The following CIITA variants were observed in gnomAD, a reference collection of about 807,000 sequenced individuals.
CIITA encodes the protein MHC class II transactivator.
CIITA carries 72 observed loss-of-function variants against 115.1 expected under a neutral mutation model. The observed-to-expected ratio is 0.63, with a 90% CI of 0.52 to 0.76. The LOEUF (loss-of-function observed/expected upper bound fraction) is 0.76. Among genes scored for constraint, CIITA ranks in the 30% least tolerant of loss-of-function variants. CIITA has a pLI of 0.00. For missense variants in CIITA, 1,617 were observed against 1,463.8 expected (o/e 1.10, Z -1.71); for synonymous variants, 763 against 635.6 (o/e 1.20, Z -3.02).
intron 1 of CIITA, among the ~76,000 whole-genome samples, chr16:10,880,419 A>G (rs2143607925): frequency 6.6e-6 from 1 of 152,270 alleles, no homozygotes; most frequent in East Asian, 1.9e-4. Context: ...ATGTGGTCTC[A>G]TCTCTTTACT....
rs749129218 is a variant in CIITA at position 10,907,055 on chromosome 16, G to C, written c.1563G>C (p.Glu521Asp). ...GCACGTGCGGACCGGCACCGGCGGA[G>C]CCCTGCTCCCTCCGGGGGCTGCTGG... is the stretch of plus-strand genomic sequence containing the variant. The part of the protein sequence containing the change: ...LHSTCGPAPA[E>D]PCSLRGLLAG... The change falls in exon 11 of 20, where the codon GAG (glutamate) becomes GAC (aspartate). Residue 521 changes from glutamate to aspartate, a missense_variant. By Grantham distance (45) the Glu-to-Asp change is conservative (BLOSUM62 2). Coordinates refer to ENST00000324288, the MANE Select transcript of CIITA (RefSeq NM_000246.4). The surrounding 1 kb of genome is among the most constrained non-coding windows in gnomAD (Gnocchi z 5.0). 1 of 1,607,432 alleles carries C rather than the reference G, an allele frequency of 6.2e-7. No individual in the cohort carries two copies. The highest frequency in any genetic ancestry group is 1.7e-5 in the Admixed American group (1 of 60,024).
upstream of CIITA, among the ~76,000 whole-genome samples, chr16:10,873,672 C>T (rs751469090): frequency 9.2e-5 from 14 of 152,158 alleles, no homozygotes; most frequent in African/African-American, 1.9e-4. Context: ...TTTTCCAGAA[C>T]AACTGTTCTT....
rs757965821 is a variant in CIITA, at chr16:10,866,274, G to T, written c.-66G>T. ...AGGCACTGGCCAGGGCAGCTGCCCT[G>T]ACTCCAAGGGCTGCCATGAACAACT... On this transcript the variant is annotated 5_prime_UTR_variant, in exon 1 of 6. Coordinates refer to the CIITA transcript ENST00000636238. The T allele has an allele frequency of 9.0e-6, 5 of 556,610 alleles. No homozygotes were observed. In the East Asian group the frequency reaches 1.9e-4, roughly 21 times the overall value. 34.5% of individuals were successfully genotyped at this position (556,610 alleles called of 1,614,324 possible). A position where few individuals can be genotyped will look rare whatever the true frequency, so the allele number is the denominator to read the frequency against.
At chr16:10,915,137 A>T (rs968376492) in intron 13 of CIITA, 1 of 430,742 alleles carries the variant, frequency 2.3e-6, no homozygotes, top group African/African-American at 2.1e-5. Flanking sequence ...TGCATCCTCC[A>T]CCTCCTGGGC....
rs1289093237 is a variant in CIITA at position 10,879,528 on chromosome 16, G to C, written c.52+2146G>C. On this transcript the variant is annotated intron_variant, in intron 1 of 19. Transcript: ENST00000324288. This position sits in a 1 kb window ranked among gnomAD's most constrained non-coding sequence, Gnocchi z 4.3. Reference sequence around the variant, plus strand: ...CTTGGGTATTGGGCTCTCCAGGCGGGGGGCCCTGCTCAGGGAGGCAGTAGG... The same window carrying C: ...CTTGGGTATTGGGCTCTCCAGGCGGCGGGCCCTGCTCAGGGAGGCAGTAGG... 2.0e-5 allele frequency among the ~76,000 whole-genome samples: 3 copies of C among 152,166 alleles called. No homozygotes were observed. The highest frequency in any genetic ancestry group is 4.4e-5 in the Non-Finnish European group (3 of 68,024).
Position 10,895,686 on chromosome 16 carries a change from A to G in CIITA, c.217A>G (p.Ile73Val). 6.2e-7 allele frequency: 1 copy of G among 1,614,012 alleles called. No homozygotes were observed. ...CCTCCCAGAACCCGACACAGACACCATCAACTGCGACCAGTTCAGCAGGCT... is the reference window on the plus strand; with the variant it reads ...CCTCCCAGAACCCGACACAGACACCGTCAACTGCGACCAGTTCAGCAGGCT... ...ELYSEPDTDTINCDQFSRLLC... is the reference protein window; with the variant it reads ...ELYSEPDTDTVNCDQFSRLLC... The change falls in exon 3 of 20, where the codon ATC becomes GTC. Residue 73 changes from isoleucine to valine, a missense_variant. By Grantham distance (29) the Ile-to-Val change is conservative. Transcript: ENST00000324288.
At chr16:10,880,909 T>C (rs1030453950) in intron 1 of CIITA, among the ~76,000 whole-genome samples, 1 of 152,178 alleles carries the variant, frequency 6.6e-6, no homozygotes, top group Non-Finnish European at 1.5e-5. Flanking sequence ...GAAAAAGCAC[T>C]TTAGAAAACC....
rs2039344864 is a variant in CIITA at position 10,908,670 on chromosome 16, T to G, written c.2658-359T>G. On this transcript the variant is annotated intron_variant, in intron 11 of 19. Transcript: ENST00000324288. ...TGAAGGCTAAATTCCTTAATTTGGT[T>G]TCATTAAGTCGGTCTGCAATCTGCT... is the stretch of plus-strand genomic sequence containing the variant. 1.0e-5 allele frequency: 5 copies of G among 496,150 alleles called. No individual in the cohort carries two copies. In the Admixed American group the frequency reaches 1.3e-4, roughly 13 times the overall value. The allele number at this position is 496,150 out of a possible 1,614,324, so 30.7% of individuals were successfully genotyped here. A position where few individuals can be genotyped will look rare whatever the true frequency, so the allele number is the denominator to read the frequency against.
chr16:10,937,801 C>A (rs1470767696), downstream of CIITA: 1 of 152,232 alleles, frequency 6.6e-6, no homozygotes, highest in Non-Finnish European at 1.5e-5. This position sits in a 1 kb window ranked among gnomAD's most constrained non-coding sequence, Gnocchi z 4.2. Flanking sequence ...ATTCCCTGCT[C>A]CTGGGCAACA....
At chr16:10,889,861 C>G (rs903055080) in intron 1 of CIITA, among the ~76,000 whole-genome samples, 1 of 152,188 alleles carries the variant, frequency 6.6e-6, no homozygotes, top group African/African-American at 2.4e-5. Flanking sequence ...AGTGACTTGG[C>G]TAAGGCATCA....
At chr16:10,910,849 G>A (rs1397148958) in intron 13 of CIITA, among the ~76,000 whole-genome samples, 2 of 152,252 alleles carry the variant, frequency 1.3e-5, no homozygotes, top group African/African-American at 2.4e-5. Flanking sequence ...CCTCCCCAGG[G>A]AGAATCTTTC....
rs2040894817 is a variant in CIITA at position 10,933,646 on chromosome 16, CT to C, written c.*9792del. On this transcript the variant is annotated 3_prime_UTR_variant, in exon 20 of 20. Transcript: ENST00000324288. Reference sequence around the variant, plus strand: ...ACATCAGTACAGGGTGGTTCCTTCCCTCCTTAGCCCCACCTGTTCCCAGGTA... The same window carrying C: ...ACATCAGTACAGGGTGGTTCCTTCCCCCTTAGCCCCACCTGTTCCCAGGTA... The C allele has an allele frequency of 6.6e-6, 1 of 152,284 alleles. No individual in the cohort carries two copies. The highest frequency in any genetic ancestry group is 1.5e-5 in the Non-Finnish European group (1 of 68,096). The allele number at this position is 152,284 out of a possible 1,614,324, so 9.4% of individuals were successfully genotyped here. A position where few individuals can be genotyped will look rare whatever the true frequency, so the allele number is the denominator to read the frequency against.
rs2040742679 is a variant in CIITA at position 10,930,573 on chromosome 16, A to G, written c.*6718A>G. 1.3e-5 allele frequency: 2 copies of G among 152,252 alleles called. No homozygotes were observed. Among genetic ancestry groups the G allele is most frequent in the Admixed American group, 6.5e-5 (1 of 15,290 alleles). 9.4% of individuals were successfully genotyped at this position (152,252 alleles called of 1,614,324 possible). A position where few individuals can be genotyped will look rare whatever the true frequency, so the allele number is the denominator to read the frequency against. On this transcript the variant is annotated 3_prime_UTR_variant, in exon 20 of 20. Transcript: ENST00000324288. Reference sequence around the variant, plus strand: ...AGGATAAGAAATTGAGGTTCAGAGAAGCCAAGTAACCTGCCTAAAGATGCA... The same window carrying G: ...AGGATAAGAAATTGAGGTTCAGAGAGGCCAAGTAACCTGCCTAAAGATGCA...
At chr16:10,936,547 C>T (rs1183986701), downstream of CIITA, 1 of 152,210 alleles carries the variant, frequency 6.6e-6, no homozygotes, top group African/African-American at 2.4e-5. Context: ...TTTGGGCGGG[C>T]ATTGTTTGTG....
downstream of CIITA, chr16:10,936,831 G>A (rs1432454243): frequency 1.3e-5 from 2 of 152,216 alleles, no homozygotes; most frequent in African/African-American, 4.8e-5. Context: ...TTATTTGTGA[G>A]ACAGGGATAA....
In CIITA at chr16:10,924,499, CTGGGATTACAAGCG is replaced by C. The variant is rs2040448219; in HGVS notation, c.*647_*660del. On this transcript the variant is annotated 3_prime_UTR_variant, in exon 20 of 20. Transcript: ENST00000324288. The stretch of plus-strand genomic sequence containing the variant: ...CCACCCACCTCAGCCTCCCAAAGTG[CTGGGATTACAAGCG>C]TGAGCCACTGCACCGGGCCACAGAG... 6.6e-6 allele frequency: 1 copy of C among 152,368 alleles called. No homozygotes were observed. The highest frequency in any genetic ancestry group is 2.4e-5 in the African/African-American group (1 of 41,440). The allele number at this position is 152,368 out of a possible 1,614,324, so 9.4% of individuals were successfully genotyped here.
intron 1 of CIITA, chr16:10,878,955 G>T (rs1016827064): frequency 8.9e-6 from 2 of 224,958 alleles, no homozygotes; most frequent in Non-Finnish European, 1.8e-5. Flanking sequence ...GATGACCAGC[G>T]GACGAGCTGC....
At position 10,923,132 on chromosome 16, in the gene CIITA, G is replaced by A; in HGVS notation, c.3318-96G>A. The stretch of plus-strand genomic sequence containing the variant: ...AGGGGAAAAGTCCCCAACGTTCTAG[G>A]CTGGGTGGAAGGAGGGATTTGGGGG... On this transcript the variant is annotated intron_variant, in intron 18 of 19. Coordinates refer to ENST00000324288, the MANE Select transcript of CIITA (RefSeq NM_000246.4). This position sits in a 1 kb window ranked among gnomAD's most constrained non-coding sequence, Gnocchi z 5.2. The A allele has an allele frequency of 9.6e-7, 1 of 1,038,032 alleles. No individual in the cohort carries two copies. Among genetic ancestry groups the A allele is most frequent in the Non-Finnish European group, 1.5e-6 (1 of 665,468 alleles). 64.3% of individuals were successfully genotyped at this position (1,038,032 alleles called of 1,614,324 possible).
rs1263073656 is a variant in CIITA, at chr16:10,936,328, C to A, written c.*12473C>A. 6.6e-6 allele frequency: 1 copy of A among 152,088 alleles called. No homozygotes were observed. Among genetic ancestry groups the A allele is most frequent in the African/African-American group, 2.4e-5 (1 of 41,404 alleles). The allele number at this position is 152,088 out of a possible 1,614,324, so 9.4% of individuals were successfully genotyped here. ...ATATTAGATTTGCTGATTTTGACAA[C>A]CCTACTGTGGTTATGCAAATTTGTC... On this transcript the variant is annotated 3_prime_UTR_variant, in exon 20 of 20. Transcript: ENST00000324288.
Sources: allele counts gnomAD v4.1 joint callset (sites outside exome capture counted in the v4.1 genomes callset), GRCh38; gene constraint gnomAD v4.1.1; non-coding constraint Gnocchi (gnomAD v3.1); transcripts MANE v1.5; gene names NCBI Gene and HGNC (gene_info 2026-07-23, HGNC 2026-07-21).